The following XDH variants were observed in gnomAD, a reference collection of about 807,000 sequenced individuals.
XDH encodes the protein xanthine dehydrogenase/oxidase.
In XDH, 138 loss-of-function variants were observed where a neutral mutation model predicts 156.1. The ratio of observed to expected loss-of-function variants is 0.88; its 90% CI spans 0.77 to 1.02. The LOEUF is 1.02. Ranked by LOEUF, XDH falls within the 50% of genes least tolerant of loss-of-function variation. The pLI, the probability that XDH is intolerant of heterozygous loss-of-function variation, is 0.00. For missense variants in XDH, 1,849 were observed against 1,684.9 expected, an observed-to-expected ratio of 1.10 and a Z score of -1.71; for synonymous variants, 669 against 625.7, an observed-to-expected ratio of 1.07 and a Z score of -1.03.
intron 35 of XDH, 37 bp downstream of exon 35, chr2:31,337,604 T>G (rs186964924): frequency 1.4e-4 from 228 of 1,612,864 alleles, no homozygotes; most frequent in Non-Finnish European, 1.8e-4. Context: ...ATCCCTGGCC[T>G]CCCCTGGACT....
chr2:31,379,764 G>T, intron 13 of XDH, 103 bp downstream of exon 13: 1 of 1,105,498 alleles, frequency 9.0e-7, no homozygotes. Flanking sequence ...TAAAGGTTGA[G>T]AGATGCTCAG....
intron 13 of XDH, 92 bp downstream of exon 13, chr2:31,379,775 G>T (rs1373747844): frequency 4.0e-6 from 5 of 1,244,484 alleles, no homozygotes; most frequent in East Asian, 2.3e-5. Context: ...AGATGCTCAG[G>T]TTGGTCCCTG....
chr2:31,383,185 T>C, intron 10 of XDH, 33 bp from the exon 11 acceptor site: 1 of 1,614,028 alleles, frequency 6.2e-7, no homozygotes. Context: ...ACAGCAATTC[T>C]TCCCACAGTT....
intron 11 of XDH, 84 bp from the exon 12 acceptor site, chr2:31,381,810 G>A (rs1686443421): frequency 1.6e-6 from 2 of 1,268,152 alleles, no homozygotes; most frequent in African/African-American, 3.0e-5. Context: ...TACCAGCCAG[G>A]TGACACCTGC....
In XDH at chr2:31,366,023, C is replaced by A; in HGVS notation, c.2409G>T (p.Glu803Asp). 6.2e-7 allele frequency: 1 copy of A among 1,614,206 alleles called. No homozygotes were observed. Among genetic ancestry groups the A allele is most frequent in the Non-Finnish European group, 8.5e-7 (1 of 1,180,040 alleles). ...KRMGGGFGGK[E>D]TRSTVVSTAV... ...CCGTGGACACCACAGTGCTCCGGGT[C>A]TCCTTGCCTCCAAAGCCTCCTCCCA... The change falls in exon 22 of 36, where the codon GAG (glutamate) becomes GAT (aspartate). Residue 803 changes from glutamate (E) to aspartate (D), a missense_variant. Transcript: ENST00000379416.
Position 31,388,218 on chromosome 2 carries a change from C to G in XDH, c.564+9G>C. The G allele has an allele frequency of 6.2e-7, 1 of 1,614,168 alleles. No individual in the cohort carries two copies. The highest frequency in any genetic ancestry group is 1.3e-5 in the African/African-American group (1 of 75,048). ...CCCCAGGCTTCCAGGGGGAGAAGAA[C>G]TCACTTACTGAGTGGTCTTTCTTCT... On this transcript the variant is annotated intron_variant, in intron 7 of 35. Transcript: ENST00000379416.
At chr2:31,375,677 T>TA in intron 14 of XDH, 123 bp from the exon 15 acceptor site, 1 of 1,107,978 alleles carries the variant, frequency 9.0e-7, no homozygotes, top group South Asian at 1.4e-5. Flanking sequence ...CTTGGATACT[T>TA]AGAGTTGGGT....
At chr2:31,386,592 C>T in intron 8 of XDH, 37 bp from the exon 9 acceptor site, 1 of 1,613,740 alleles carries the variant, frequency 6.2e-7, no homozygotes, top group Non-Finnish European at 8.5e-7. Context: ...CTGTCTCCCT[C>T]TTCCTACTGT....
chr2:31,339,593 C>T lies in XDH; in HGVS notation c.3670G>A (p.Gly1224Ser). 6.2e-7 allele frequency: 1 copy of T among 1,614,178 alleles called. No homozygotes were observed. ...YSPEGSLHTR[G>S]PSTYKIPAFG... ...GCCGGGATCTTGTAGGTGCTAGGGC[C>T]ACGGGTGTGCAGGCTCCCCTCGGGG... The change falls in exon 34 of 36, where the codon GGC (glycine) becomes AGC (serine). Residue 1224 changes from glycine to serine, a missense_variant. Transcript: ENST00000379416.
intron 6 of XDH, among the ~76,000 whole-genome samples, chr2:31,391,807 T>C (rs952355270): frequency 9.9e-5 from 15 of 152,242 alleles, no homozygotes; most frequent in African/African-American, 3.6e-4. Flanking sequence ...CACTTATACA[T>C]TGCTGTTACA....
intron 3 of XDH, among the ~76,000 whole-genome samples, chr2:31,402,804 G>A (rs915770333): frequency 6.6e-6 from 1 of 152,186 alleles, no homozygotes; most frequent in African/African-American, 2.4e-5. Flanking sequence ...TTTATGGAAT[G>A]TGATATAAAT....
Position 31,375,074 on chromosome 2 carries a change from A to G in XDH, c.1602+306T>C, listed in dbSNP as rs28469567. ...GAGTTTCGCTCTTGTAGCCCAGGCT[A>G]GAGTGCAATGGCATGATCTTGGCTC... On this transcript the variant is annotated intron_variant, in intron 15 of 35. Coordinates refer to ENST00000379416, the MANE Select transcript of XDH (RefSeq NM_000379.4). 0.78 allele frequency among the ~76,000 whole-genome samples: 106,777 copies of G among 136,880 alleles called. 41,539 individuals carry two copies. The highest frequency in any genetic ancestry group is 0.85 in the East Asian group (4,026 of 4,728). 89.8% of individuals were successfully genotyped at this position (136,880 alleles called of 152,430 possible).
In XDH at chr2:31,348,962, CTT is replaced by C; in HGVS notation, c.2986_2987del (p.Lys996GlufsTer42). On this transcript the variant is annotated frameshift_variant, in exon 27 of 36. Coordinates refer to ENST00000379416, the MANE Select transcript of XDH (RefSeq NM_000379.4). LOFTEE classifies it high-confidence loss of function. ...DKFNKENCWKKRGLCIIPTKF... is the reference protein window; with the variant it reads ...DKFNKENCWKXRGLCIIPTKF... ...TGGTGGGAATTATGCACAATCCTCTCTTTTTCCAACAATTCTCCCTAGAGAAA... is the reference window on the plus strand; with the variant it reads ...TGGTGGGAATTATGCACAATCCTCTCTTTCCAACAATTCTCCCTAGAGAAA... 4.3e-6 allele frequency: 7 copies of C among 1,613,466 alleles called. No individual in the cohort carries two copies. Among genetic ancestry groups the C allele is most frequent in the Non-Finnish European group, 5.9e-6 (7 of 1,179,348 alleles).
At chr2:31,378,681 A>G (rs1440064222) in intron 13 of XDH, among the ~76,000 whole-genome samples, 1 of 152,078 alleles carries the variant, frequency 6.6e-6, no homozygotes, top group African/African-American at 2.4e-5. Flanking sequence ...TCGCTGGGGT[A>G]CAGTGAACTG....
At chr2:31,349,862 T>A in intron 25 of XDH, 31 bp from the exon 26 acceptor site, 1 of 1,613,202 alleles carries the variant, frequency 6.2e-7, no homozygotes, top group Non-Finnish European at 8.5e-7. Flanking sequence ...AGAGGCCTTG[T>A]TGGCGGCAAG....
chr2:31,406,570 A>T (rs1687196119), intron 1 of XDH, among the ~76,000 whole-genome samples: 1 of 152,190 alleles, frequency 6.6e-6, no homozygotes, highest in South Asian at 2.1e-4. Flanking sequence ...ATATACTCAA[A>T]TCCTTAAATT....
rs565323531 is a variant in XDH, at chr2:31,341,503, T to C, written c.3520-109A>G. On this transcript the variant is annotated intron_variant, in intron 32 of 35. Coordinates refer to ENST00000379416, the MANE Select transcript of XDH (RefSeq NM_000379.4). ...CTACAAGTGCCAACCAAAGAGTACGTTCCCAAGCAGAAAGCCCTGGGTGTG... is the reference window on the plus strand; with the variant it reads ...CTACAAGTGCCAACCAAAGAGTACGCTCCCAAGCAGAAAGCCCTGGGTGTG... The C allele has an allele frequency of 1.6e-5, 18 of 1,151,758 alleles. No individual in the cohort carries two copies. In the African/African-American group the frequency reaches 2.6e-4, roughly 17 times the overall value. 71.3% of individuals were successfully genotyped at this position (1,151,758 alleles called of 1,614,324 possible). A position where few individuals can be genotyped will look rare whatever the true frequency, so the allele number is the denominator to read the frequency against.
At chr2:31,384,076 A>G (rs1686515322) in intron 9 of XDH, 1 of 533,030 alleles carries the variant, frequency 1.9e-6, no homozygotes, top group Admixed American at 2.9e-5. Context: ...TCCCTCTCAA[A>G]AAACCTACCT....
rs759472493 is a variant in XDH at position 31,350,137 on chromosome 2, A to C, written c.2718T>G (p.Leu906=). ...AGCCCCGGAAGGCCGTGTTGGAGGG[A>C]AGGTTGGTTTTGCACAGCCGCCCAG... is the stretch of plus-strand genomic sequence containing the variant. ...RGTGRLCKTN[L]PSNTAFRGFG... Residue 906 remains leucine, a synonymous_variant, in exon 25 of 36, where the codon CTT becomes CTG. Transcript: ENST00000379416. 2 of 1,614,120 alleles carry C rather than the reference A, an allele frequency of 1.2e-6. No homozygotes were observed. The highest frequency in any genetic ancestry group is 1.7e-6 in the Non-Finnish European group (2 of 1,180,024).
Sources: gnomAD v4.1 joint callset for allele counts (sites outside exome capture counted in the v4.1 genomes callset) on GRCh38, gnomAD v4.1.1 for gene constraint, MANE v1.5 for transcripts, NCBI Gene and HGNC (gene_info 2026-07-23, HGNC 2026-07-21) for gene names.